The following PACS1 variants were observed in gnomAD, a reference collection of about 807,000 sequenced individuals.
The protein encoded by PACS1 is PACS-1.
Under a neutral mutation model 115.0 loss-of-function variants are expected in PACS1, and 24 were observed. The observed-to-expected ratio is 0.21, with a 90% CI of 0.15 to 0.29. The LOEUF is 0.29. Among genes scored for constraint, PACS1 ranks in the 10% least tolerant of loss-of-function variants. The pLI is 1.00. For missense variants in PACS1, 838 were observed against 1,251.2 expected (o/e 0.67, Z 4.98); for synonymous variants, 453 against 504.5 (o/e 0.90, Z 1.37).
chr11:66,118,029 C>T (rs536475695), intron 1 of PACS1, among the ~76,000 whole-genome samples: 58 of 152,298 alleles, frequency 3.8e-4, no homozygotes, highest in Non-Finnish European at 6.8e-4. Flanking sequence ...TTCTGTAGAA[C>T]CCCAGGGTAC....
chr11:66,210,339 C>T (rs1051131600), intron 2 of PACS1, 23 bp from the exon 3 acceptor site: 1 of 1,602,158 alleles, frequency 6.2e-7, no homozygotes, highest in Non-Finnish European at 8.6e-7. Flanking sequence ...CCTGGCCAAA[C>T]AGACTTTTCT....
intron 1 of PACS1, among the ~76,000 whole-genome samples, chr11:66,086,519 G>A (rs957359329): frequency 6.6e-6 from 1 of 152,356 alleles, no homozygotes; most frequent in South Asian, 2.1e-4. Flanking sequence ...GCCAAAGGCC[G>A]ATTTGTTATG....
chr11:66,216,865 C>CTTTTTTTTTTTTTTTTTTTTTT, intron 7 of PACS1, 90 bp downstream of exon 7: 1 of 818,126 alleles, frequency 1.2e-6, no homozygotes, highest in Non-Finnish European at 2.1e-6. Context: ...GTGGAGACTT[C>CTTTTTTTTTTTTTTTTTTTTTT]TTAAAATCAA....
chr11:66,231,415 C>T (rs1046111908), intron 13 of PACS1, among the ~76,000 whole-genome samples: 8 of 152,174 alleles, frequency 5.3e-5, no homozygotes, highest in South Asian at 2.1e-4. Flanking sequence ...TGGAAGGACC[C>T]GAGAGTGGGC....
At chr11:66,085,258 A>G (rs1187400512) in intron 1 of PACS1, among the ~76,000 whole-genome samples, 5 of 152,066 alleles carry the variant, frequency 3.3e-5, no homozygotes, top group Non-Finnish European at 5.9e-5. Context: ...TGCACTTCCT[A>G]GGAGCTGCTC....
chr11:66,206,986 C>T (rs937282530), intron 2 of PACS1, among the ~76,000 whole-genome samples: 1 of 152,186 alleles, frequency 6.6e-6, no homozygotes, highest in African/African-American at 2.4e-5. Context: ...TTACAATTCC[C>T]TCGAACCCCT....
intron 1 of PACS1, among the ~76,000 whole-genome samples, chr11:66,142,318 A>T (rs537868070): frequency 3.9e-5 from 6 of 152,024 alleles, no homozygotes; most frequent in African/African-American, 1.2e-4. Context: ...TTTTAATTTT[A>T]ATTTTTATTT....
rs567823590 is a variant in PACS1, at chr11:66,156,671, G to A, written c.357-36815G>A. 2.6e-5 allele frequency among the ~76,000 whole-genome samples: 4 copies of A among 152,068 alleles called. No individual in the cohort carries two copies. The East Asian group carries it at 5.9e-4, about 22-fold the overall frequency. ...AGATCGAGACCATCCTGGCTAACAC[G>A]GTGAAACCCTGTTTCTACTAAAGAT... On this transcript the variant is annotated intron_variant, in intron 1 of 23. Coordinates refer to ENST00000320580, the MANE Select transcript of PACS1 (RefSeq NM_018026.4).
intron 1 of PACS1, among the ~76,000 whole-genome samples, chr11:66,160,384 T>A (rs535795854): frequency 1.3e-5 from 2 of 152,310 alleles, no homozygotes; most frequent in African/African-American, 4.8e-5. Context: ...GCTTATAGTG[T>A]TATATGTTTG....
rs1359415821 is a variant in PACS1 at position 66,139,423 on chromosome 11, T to C, written c.357-54063T>C. Among the ~76,000 whole-genome samples the C allele has an allele frequency of 2.6e-5, 4 of 152,154 alleles. No homozygotes were observed. The East Asian group carries it at 7.7e-4, about 29-fold the overall frequency. The stretch of plus-strand genomic sequence containing the variant: ...CTGTTGTGCTAGCAAATATTAGGTC[T>C]TATTCATGCTTTGTAACTTTTTTTT... On this transcript the variant is annotated intron_variant, in intron 1 of 23. Transcript: ENST00000320580.
chr11:66,215,199 T>C (rs1275085556), intron 4 of PACS1, among the ~76,000 whole-genome samples: 2 of 152,090 alleles, frequency 1.3e-5, no homozygotes, highest in East Asian at 3.9e-4. Flanking sequence ...CCCAAAGTGC[T>C]GGGATTACAG....
At chr11:66,237,986 G>C (rs987894720) in intron 19 of PACS1, 1 of 897,086 alleles carries the variant, frequency 1.1e-6, no homozygotes, top group Non-Finnish European at 1.3e-6. Flanking sequence ...TGGACTCCCA[G>C]CCCAGCTGCC....
chr11:66,161,862 C>T (rs1159881077), intron 1 of PACS1, among the ~76,000 whole-genome samples: 1 of 152,100 alleles, frequency 6.6e-6, no homozygotes, highest in East Asian at 1.9e-4. Flanking sequence ...TAAATAATAG[C>T]TTTTCCACAG....
At chr11:66,202,521 C>T (rs894847132) in intron 2 of PACS1, among the ~76,000 whole-genome samples, 21 of 151,794 alleles carry the variant, frequency 1.4e-4, no homozygotes, top group Middle Eastern at 3.4e-3. Flanking sequence ...AAGGATGGTT[C>T]AGCATACACA....
intron 7 of PACS1, among the ~76,000 whole-genome samples, chr11:66,219,032 T>C (rs1433742303): frequency 6.6e-6 from 1 of 151,872 alleles, no homozygotes; most frequent in Non-Finnish European, 1.5e-5. Flanking sequence ...TCTGTTCAAG[T>C]AGTGGAGGCC....
intron 1 of PACS1, among the ~76,000 whole-genome samples, chr11:66,076,636 G>A (rs564991357): frequency 2.3e-4 from 35 of 152,190 alleles, no homozygotes; most frequent in African/African-American, 7.5e-4. Context: ...CAAGTGATCC[G>A]GCGGCCTCGG....
chr11:66,223,054 C>CAAAA (rs71461612), intron 10 of PACS1, among the ~76,000 whole-genome samples: 26 of 74,968 alleles, frequency 3.5e-4, no homozygotes, highest in African/African-American at 1.4e-3. Flanking sequence ...CCTCGATTTA[C>CAAAA]AAAAAAAAAA....
At chr11:66,102,318 AT>A (rs1426396160) in intron 1 of PACS1, among the ~76,000 whole-genome samples, 1 of 151,560 alleles carries the variant, frequency 6.6e-6, no homozygotes, top group Middle Eastern at 3.2e-3. Flanking sequence ...TATTATTATT[AT>A]TATTATTATT....
intron 4 of PACS1, among the ~76,000 whole-genome samples, chr11:66,211,960 CT>C (rs1265011674): frequency 6.6e-6 from 1 of 152,052 alleles, no homozygotes; most frequent in Non-Finnish European, 1.5e-5. Flanking sequence ...AGGCTGGTTA[CT>C]TTTTTGAATA....
Sources: gnomAD v4.1 joint callset for allele counts (sites outside exome capture counted in the v4.1 genomes callset) on GRCh38, gnomAD v4.1.1 for gene constraint, MANE v1.5 for transcripts, NCBI Gene and HGNC (gene_info 2026-07-23, HGNC 2026-07-21) for gene names.